Variants in DRC2 observed in about 807,000 individuals in gnomAD.
DRC2 encodes the protein coiled-coil domain containing 65.
At chr12:48,916,654 G>GAGGGAGAGGGAC in the DRC2 span, among the ~76,000 whole-genome samples, 1 of 151,656 alleles carries the variant, frequency 6.6e-6, no homozygotes, top group Non-Finnish European at 1.5e-5. Flanking sequence ...GGGAGAGGGA[G>GAGGGAGAGGGAC]AGGGACCAAC....
the DRC2 span, chr12:48,904,613 T>A: frequency 8.1e-7 from 1 of 1,235,032 alleles, no homozygotes; most frequent in Non-Finnish European, 1.1e-6. Context: ...GGCAACATTG[T>A]TTGGGAGGCG....
At chr12:48,909,692 G>C in the DRC2 span, among the ~76,000 whole-genome samples, 2 of 151,698 alleles carry the variant, frequency 1.3e-5, no homozygotes, top group African/African-American at 4.8e-5. Flanking sequence ...TGGCCAGCTG[G>C]TCTCGAACTC....
chr12:48,916,889 G>A, the DRC2 span: 12 of 1,377,728 alleles, frequency 8.7e-6, 1 homozygote, highest in East Asian at 4.6e-5. Flanking sequence ...CATTCACATA[G>A]ATTACATACT....
the DRC2 span, among the ~76,000 whole-genome samples, chr12:48,912,272 A>G: frequency 4.6e-5 from 7 of 151,540 alleles, no homozygotes; most frequent in Admixed American, 4.6e-4. Context: ...CTACTAAAAA[A>G]TAAAAAAATT....
At chr12:48,919,856 C>T in the DRC2 span, among the ~76,000 whole-genome samples, 1 of 151,728 alleles carries the variant, frequency 6.6e-6, no homozygotes, top group Non-Finnish European at 1.5e-5. Flanking sequence ...CATGGTGGCT[C>T]ATGCCTGTAA....
the DRC2 span, chr12:48,914,261 A>G: frequency 1.2e-6 from 1 of 808,636 alleles, no homozygotes; most frequent in Non-Finnish European, 1.9e-6. Flanking sequence ...CTTGCTTTAC[A>G]CAAGAGTGAG....
At chr12:48,904,289 G>A in the DRC2 span, 2 of 1,589,566 alleles carry the variant, frequency 1.3e-6, no homozygotes, top group Non-Finnish European at 1.7e-6. Flanking sequence ...CTGTAACGCG[G>A]GCCGAGGCAG....
At chr12:48,914,597 G>C in the DRC2 span, 2 of 1,610,126 alleles carry the variant, frequency 1.2e-6, no homozygotes, top group Non-Finnish European at 1.7e-6. Context: ...AGAGAAGATG[G>C]GGAATTGAAT....
the DRC2 span, among the ~76,000 whole-genome samples, chr12:48,920,111 TAAAAAAAAAAAAAA>T: frequency 6.2e-4 from 20 of 32,080 alleles, no homozygotes; most frequent in Non-Finnish European, 8.7e-4. Context: ...AGACCCTGTC[TAAAAAAAAAAAAAA>T]AAAAAAAAAA....
the DRC2 span, among the ~76,000 whole-genome samples, chr12:48,913,483 A>ATTAT: frequency 0.045 from 6,648 of 148,642 alleles, 204 homozygotes; most frequent in Non-Finnish European, 0.061. Context: ...TTGTATTTTT[A>ATTAT]TTATTTATTT....
the DRC2 span, chr12:48,914,252 T>C: frequency 4.0e-6 from 3 of 750,858 alleles, no homozygotes; most frequent in Non-Finnish European, 6.2e-6. Flanking sequence ...GCCATCACTC[T>C]TGCTTTACAC....
the DRC2 span, chr12:48,918,851 T>C: frequency 6.2e-7 from 1 of 1,614,028 alleles, no homozygotes; most frequent in East Asian, 2.2e-5. Flanking sequence ...TTAGTCAGAC[T>C]CACCCTGGAA....
At chr12:48,906,982 G>A in the DRC2 span, among the ~76,000 whole-genome samples, 1 of 151,928 alleles carries the variant, frequency 6.6e-6, no homozygotes, top group South Asian at 2.1e-4. Flanking sequence ...TTGGGAGGCT[G>A]AGGCAGGCGG....
the DRC2 span, among the ~76,000 whole-genome samples, chr12:48,915,968 C>A: frequency 1.4e-5 from 2 of 146,296 alleles, no homozygotes; most frequent in Admixed American, 6.8e-5. Context: ...GACAGGGCGG[C>A]GGGGCAGAGG....
the DRC2 span, among the ~76,000 whole-genome samples, chr12:48,910,232 T>C: frequency 6.6e-6 from 1 of 152,336 alleles, no homozygotes; most frequent in African/African-American, 2.4e-5. Context: ...TTCCATGTTA[T>C]GTTGTGATTT....
the DRC2 span, among the ~76,000 whole-genome samples, chr12:48,920,441 T>TTTTAAAAAAAAAAAA: frequency 1.5e-5 from 1 of 67,816 alleles, no homozygotes; most frequent in Non-Finnish European, 2.6e-5. Flanking sequence ...AACTCCATCT[T>TTTTAAAAAAAAAAAA]AAAAAAAAAA....
chr12:48,912,437 CAAAAAAA>C, the DRC2 span, among the ~76,000 whole-genome samples: 2 of 45,356 alleles, frequency 4.4e-5, no homozygotes, highest in South Asian at 1.7e-3. Context: ...GACGCCGTCT[CAAAAAAA>C]AAAAAAAAAA....
At chr12:48,919,973 C>CCTAA in the DRC2 span, among the ~76,000 whole-genome samples, 2 of 151,746 alleles carry the variant, frequency 1.3e-5, no homozygotes, top group Non-Finnish European at 2.9e-5. Context: ...AAAAGCTGGG[C>CCTAA]ATAGTGGCAC....
chr12:48,915,695 G>A, the DRC2 span, among the ~76,000 whole-genome samples: 2 of 152,138 alleles, frequency 1.3e-5, no homozygotes, highest in Non-Finnish European at 2.9e-5. Flanking sequence ...CGGCCGGGCA[G>A]AGGGGCTCCT....
Sources: allele counts gnomAD v4.1 joint callset (sites outside exome capture counted in the v4.1 genomes callset), GRCh38; gene constraint gnomAD v4.1.1; transcripts MANE v1.5; gene names NCBI Gene and HGNC (gene_info 2026-07-23, HGNC 2026-07-21).